Variants in ARL15 observed in about 807,000 individuals in gnomAD.
The protein encoded by ARL15 is ADP-ribosylation factor-like protein 15.
A neutral mutation model predicts 25.2 loss-of-function variants in ARL15; 19 were observed. The ratio of observed to expected loss-of-function variants is 0.75; its 90% CI spans 0.53 to 1.10. The LOEUF is 1.10. Ranked by LOEUF, ARL15 falls within the 50% of genes least tolerant of loss-of-function variation. ARL15 has a pLI of 0.00. For synonymous variants in ARL15, 94 were observed against 86.8 expected, an observed-to-expected ratio of 1.08 and a Z score of -0.46; for missense variants, 220 against 246.0, an observed-to-expected ratio of 0.89 and a Z score of 0.71.
chr5:54,100,151 T>A (rs1752395940), intron 4 of ARL15, among the ~76,000 whole-genome samples: 1 of 152,158 alleles, frequency 6.6e-6, no homozygotes, highest in Admixed American at 6.6e-5. Flanking sequence ...GAACATTTTT[T>A]AAAAAGCTGT....
chr5:54,198,845 C>A (rs1261459427), intron 1 of ARL15, among the ~76,000 whole-genome samples: 1 of 151,986 alleles, frequency 6.6e-6, no homozygotes, highest in Non-Finnish European at 1.5e-5. Flanking sequence ...CCAAGTCAAT[C>A]CTAAGCCAAA....
chr5:54,136,870 T>G (rs1427091640), intron 3 of ARL15, among the ~76,000 whole-genome samples: 2 of 137,840 alleles, frequency 1.5e-5, no homozygotes, highest in Non-Finnish European at 3.2e-5. Context: ...TCTGCCTGGG[T>G]TTTTTTTTTT....
chr5:54,204,243 T>C (rs1393238038), intron 1 of ARL15, among the ~76,000 whole-genome samples: 1 of 152,214 alleles, frequency 6.6e-6, no homozygotes, highest in African/African-American at 2.4e-5. Context: ...ACTGAACTTT[T>C]CCATCCATGA....
chr5:54,059,403 T>A (rs1413291141), intron 4 of ARL15, among the ~76,000 whole-genome samples: 1 of 152,248 alleles, frequency 6.6e-6, no homozygotes, highest in Non-Finnish European at 1.5e-5. Flanking sequence ...GTTTTTCCGA[T>A]TTTTAATTCA....
At chr5:54,259,272 A>G (rs1757439431) in intron 1 of ARL15, among the ~76,000 whole-genome samples, 1 of 152,194 alleles carries the variant, frequency 6.6e-6, no homozygotes, top group Non-Finnish European at 1.5e-5. Flanking sequence ...ATACTGATAT[A>G]TGCACACACA....
At chr5:54,013,689 G>A (rs1163936201) in intron 4 of ARL15, among the ~76,000 whole-genome samples, 1 of 152,058 alleles carries the variant, frequency 6.6e-6, no homozygotes, top group Non-Finnish European at 1.5e-5. Context: ...TCTTCATCCT[G>A]CATCCTGGCA....
At chr5:54,299,572 G>A (rs1758559222) in intron 1 of ARL15, among the ~76,000 whole-genome samples, 1 of 133,940 alleles carries the variant, frequency 7.5e-6, no homozygotes, top group African/African-American at 2.8e-5. Context: ...AACAATAAAT[G>A]TTAGCTATTA....
intron 1 of ARL15, among the ~76,000 whole-genome samples, chr5:54,194,140 T>A (rs1349540649): frequency 1.3e-5 from 2 of 152,180 alleles, no homozygotes; most frequent in East Asian, 3.8e-4. Flanking sequence ...TTTGAAAACA[T>A]GTTTCCCCTT....
intron 1 of ARL15, among the ~76,000 whole-genome samples, chr5:54,197,031 G>A (rs1755569210): frequency 6.6e-6 from 1 of 151,986 alleles, no homozygotes; most frequent in Admixed American, 6.6e-5. Flanking sequence ...AAACACCTGG[G>A]ATATTTTTGG....
At chr5:54,166,099 C>T (rs891021470) in intron 2 of ARL15, among the ~76,000 whole-genome samples, 3 of 152,102 alleles carry the variant, frequency 2.0e-5, no homozygotes, top group Non-Finnish European at 4.4e-5. Context: ...CAGTTACACA[C>T]AAAATTAAAC....
At chr5:54,219,071 G>A (rs1395240596) in intron 1 of ARL15, among the ~76,000 whole-genome samples, 33 of 151,710 alleles carry the variant, frequency 2.2e-4, no homozygotes. Flanking sequence ...GATTTAGTCG[G>A]CACTAACATA....
intron 4 of ARL15, among the ~76,000 whole-genome samples, chr5:54,082,213 C>T (rs10074261): frequency 0.15 from 22,825 of 152,044 alleles, 2,082 homozygotes; most frequent in African/African-American, 0.25. Flanking sequence ...TATTTAAAAA[C>T]GAGTATTCTT....
intron 4 of ARL15, among the ~76,000 whole-genome samples, chr5:54,057,078 T>C (rs1457862147): frequency 2.0e-5 from 3 of 151,180 alleles, no homozygotes; most frequent in African/African-American, 7.3e-5. Flanking sequence ...AAAAAGAGGA[T>C]AGAAATCACC....
At chr5:53,891,393 C>A (rs1191565182) in intron 4 of ARL15, among the ~76,000 whole-genome samples, 2 of 152,166 alleles carry the variant, frequency 1.3e-5, no homozygotes, top group Admixed American at 6.5e-5. Context: ...CTGCGTGGGA[C>A]TCTGCTCTGC....
intron 4 of ARL15, among the ~76,000 whole-genome samples, chr5:54,023,966 C>T (rs879798304): frequency 2.0e-5 from 3 of 152,162 alleles, no homozygotes; most frequent in Non-Finnish European, 2.9e-5. Context: ...TACTACTCTC[C>T]TAAAATCATC....
intron 4 of ARL15, among the ~76,000 whole-genome samples, chr5:53,970,468 G>T (rs1485407335): frequency 2.0e-5 from 3 of 151,646 alleles, no homozygotes; most frequent in Non-Finnish European, 4.4e-5. Context: ...CTATAGCAGA[G>T]AGTGAGAATG....
At chr5:54,303,379 C>G (rs547013678) in intron 1 of ARL15, among the ~76,000 whole-genome samples, 8 of 151,968 alleles carry the variant, frequency 5.3e-5, no homozygotes, top group Non-Finnish European at 8.8e-5. Flanking sequence ...AAAAACTAAC[C>G]ATACGCCTGT....
intron 4 of ARL15, among the ~76,000 whole-genome samples, chr5:53,895,362 A>G (rs962416525): frequency 1.3e-5 from 2 of 152,202 alleles, no homozygotes; most frequent in African/African-American, 2.4e-5. Context: ...TCTCTCATTA[A>G]AGAAAGCCAT....
rs557096453 is a variant in ARL15, at chr5:54,020,472, A to T, written c.462+92730T>A. On this transcript the variant is annotated intron_variant, in intron 4 of 4. Transcript: ENST00000504924. ...ACCCACCAGATGCCAACAAAGACTTAGTGGGTAACCCAGACATCCAACCCC... is the reference window on the plus strand; with the variant it reads ...ACCCACCAGATGCCAACAAAGACTTTGTGGGTAACCCAGACATCCAACCCC... Among the ~76,000 whole-genome samples, 24 of 152,366 alleles carry T rather than the reference A, an allele frequency of 1.6e-4. No individual in the cohort carries two copies. The South Asian group carries it at 5.0e-3, about 32-fold the overall frequency.
Sources: allele counts gnomAD v4.1 joint callset (sites outside exome capture counted in the v4.1 genomes callset), GRCh38; gene constraint gnomAD v4.1.1; transcripts MANE v1.5; gene names NCBI Gene and HGNC (gene_info 2026-07-23, HGNC 2026-07-21).